The following ATP8B4 variants were observed in gnomAD, a reference collection of about 807,000 sequenced individuals.
ATP8B4 encodes the protein ATPase phospholipid transporting 8B4 (putative).
ATP8B4 carries 133 observed loss-of-function variants against 145.6 expected under a neutral mutation model. That is an observed-to-expected ratio of 0.91 (90% CI 0.79 to 1.05). The LOEUF is 1.05. Ranked by LOEUF, ATP8B4 falls within the 50% of genes least tolerant of loss-of-function variation. The pLI, the probability that ATP8B4 is intolerant of heterozygous loss-of-function variation, is 0.00. For synonymous variants in ATP8B4, 507 were observed against 492.9 expected, an observed-to-expected ratio of 1.03 and a Z score of -0.38; for missense variants, 1,458 against 1,425.2, an observed-to-expected ratio of 1.02 and a Z score of -0.37.
chr15:50,170,294 A>G (rs984599849), intron 1 of ATP8B4, among the ~76,000 whole-genome samples: 1 of 152,206 alleles, frequency 6.6e-6, no homozygotes, highest in Admixed American at 6.5e-5. Context: ...TAGCCTATAA[A>G]GGAAAACCTA....
chr15:49,893,446 A>G (rs1379879535), intron 23 of ATP8B4, among the ~76,000 whole-genome samples: 1 of 152,254 alleles, frequency 6.6e-6, no homozygotes, highest in Non-Finnish European at 1.5e-5. Context: ...TAGTATATAC[A>G]TACAATGTAA....
intron 4 of ATP8B4, among the ~76,000 whole-genome samples, chr15:50,045,991 G>C (rs2051687478): frequency 1.3e-5 from 2 of 152,126 alleles, no homozygotes. Flanking sequence ...GTTTGTTTTT[G>C]TTTTCCTGAT....
intron 9 of ATP8B4, among the ~76,000 whole-genome samples, chr15:49,991,433 G>C (rs1018124612): frequency 6.6e-6 from 1 of 152,104 alleles, no homozygotes; most frequent in Non-Finnish European, 1.5e-5. Flanking sequence ...ATTTACATCC[G>C]GGGTTTTCCC....
At chr15:50,054,097 C>T (rs1481279311) in intron 3 of ATP8B4, among the ~76,000 whole-genome samples, 2 of 152,166 alleles carry the variant, frequency 1.3e-5, no homozygotes, top group African/African-American at 2.4e-5. Context: ...AATAATTCAA[C>T]TGTATCAAGA....
chr15:49,941,971 T>C (rs1444761055), intron 14 of ATP8B4, among the ~76,000 whole-genome samples: 3 of 152,128 alleles, frequency 2.0e-5, no homozygotes, highest in Non-Finnish European at 4.4e-5. Flanking sequence ...TCCTCACTTA[T>C]AAGTGGAAGC....
At chr15:50,177,923 T>C (rs927661845) in intron 1 of ATP8B4, among the ~76,000 whole-genome samples, 2 of 152,072 alleles carry the variant, frequency 1.3e-5, no homozygotes, top group Non-Finnish European at 2.9e-5. Context: ...ACATTTGAGA[T>C]TGGGATTGGA....
chr15:50,038,377 C>T (rs1375298677), intron 6 of ATP8B4, among the ~76,000 whole-genome samples: 1 of 152,164 alleles, frequency 6.6e-6, no homozygotes, highest in African/African-American at 2.4e-5. Context: ...TCACTTGATA[C>T]AGTAATGTGT....
At chr15:50,066,460 CT>C (rs1187377938) in intron 3 of ATP8B4, among the ~76,000 whole-genome samples, 1 of 152,138 alleles carries the variant, frequency 6.6e-6, no homozygotes, top group Non-Finnish European at 1.5e-5. Context: ...GTTGGTGCAT[CT>C]GGTCATCAGC....
intron 24 of ATP8B4, among the ~76,000 whole-genome samples, chr15:49,878,390 C>A (rs914941744): frequency 2.0e-5 from 3 of 152,098 alleles, no homozygotes; most frequent in African/African-American, 7.2e-5. Context: ...ACAAAGCCAG[C>A]CAAATGGGAG....
chr15:50,059,441 C>A (rs575942906), intron 3 of ATP8B4, among the ~76,000 whole-genome samples: 2 of 152,246 alleles, frequency 1.3e-5, no homozygotes, highest in South Asian at 2.1e-4. Flanking sequence ...CAGAGCATCA[C>A]TAGGAAGGCC....
At chr15:49,861,767 C>A (rs921480171) in intron 27 of ATP8B4, among the ~76,000 whole-genome samples, 2 of 152,186 alleles carry the variant, frequency 1.3e-5, no homozygotes, top group Admixed American at 6.5e-5. Flanking sequence ...TGCTGCTCTT[C>A]CCCTTCTTAA....
chr15:49,950,153 A>T (rs2042938461), intron 14 of ATP8B4, among the ~76,000 whole-genome samples: 1 of 152,092 alleles, frequency 6.6e-6, no homozygotes, highest in Non-Finnish European at 1.5e-5. Flanking sequence ...TGGTTTTGGT[A>T]TCAGGATGAT....
intron 23 of ATP8B4, among the ~76,000 whole-genome samples, chr15:49,888,185 G>C (rs1029708803): frequency 6.6e-6 from 1 of 152,210 alleles, no homozygotes; most frequent in Non-Finnish European, 1.5e-5. Flanking sequence ...CCAGGCCTGA[G>C]CACTCGTCCA....
intron 24 of ATP8B4, 88 bp downstream of exon 24, chr15:49,879,288 C>T: frequency 1.7e-6 from 2 of 1,193,362 alleles, no homozygotes; most frequent in South Asian, 1.5e-5. Context: ...AGGGCTGCTA[C>T]TTAGAATTGT....
chr15:50,035,689 G>A (rs1409042665), intron 6 of ATP8B4, among the ~76,000 whole-genome samples: 1 of 152,104 alleles, frequency 6.6e-6, no homozygotes, highest in African/African-American at 2.4e-5. Flanking sequence ...ACAGGAGAAG[G>A]GGTACCTGAA....
rs986381199 is a variant in ATP8B4, at chr15:49,997,392, C to T, written c.507-633G>A. Among the ~76,000 whole-genome samples, 3 of 152,092 alleles carry T rather than the reference C, an allele frequency of 2.0e-5. 1 individual carries two copies. Among genetic ancestry groups the T allele is most frequent in the South Asian group, 4.1e-4 (2 of 4,820 alleles). On this transcript the variant is annotated intron_variant, in intron 8 of 27. Coordinates refer to ENST00000284509, the MANE Select transcript of ATP8B4 (RefSeq NM_024837.4). ...TGGCCAGCAGTTAAGATTCTATGGC[C>T]ATCACTTACGTCTTGTTTTAAGGGC...
chr15:50,158,906 G>C (rs1452813446), intron 1 of ATP8B4, among the ~76,000 whole-genome samples: 1 of 152,180 alleles, frequency 6.6e-6, no homozygotes, highest in Admixed American at 6.5e-5. Context: ...CTTGAAGGCA[G>C]CATGCTCCTT....
In ATP8B4 at chr15:50,114,103, CTT is replaced by C. The variant is rs755159123; in HGVS notation, c.-43+5018_-43+5019del. Among the ~76,000 whole-genome samples, 220 of 55,650 alleles carry C rather than the reference CTT, an allele frequency of 4.0e-3. 1 individual carries two copies. The highest frequency in any genetic ancestry group is 0.014 in the African/African-American group (204 of 14,912). The allele number at this position is 55,650 out of a possible 152,430, so 36.5% of individuals were successfully genotyped here. ...ATTTTCCTTCTTGGTCTCCTAGTTT[CTT>C]TTTTTTTTTTTTTTTTTTTTTTTAA... On this transcript the variant is annotated intron_variant, in intron 1 of 27. Transcript: ENST00000284509.
chr15:50,080,931 G>A (rs1485657153), intron 2 of ATP8B4, among the ~76,000 whole-genome samples: 3 of 152,044 alleles, frequency 2.0e-5, no homozygotes, highest in Non-Finnish European at 2.9e-5. Context: ...GGCTAACATG[G>A]TGAAACCCCA....
Sources: gnomAD v4.1 joint callset for allele counts (sites outside exome capture counted in the v4.1 genomes callset) on GRCh38, gnomAD v4.1.1 for gene constraint, MANE v1.5 for transcripts, NCBI Gene and HGNC (gene_info 2026-07-23, HGNC 2026-07-21) for gene names.